The following ATP6V0A4 variants were observed in gnomAD, a reference collection of about 807,000 sequenced individuals.
ATP6V0A4 encodes ATPase H+ transporting V0 subunit a4.
In ATP6V0A4, 86 loss-of-function variants were observed where a neutral mutation model predicts 107.3. The observed-to-expected ratio is 0.80, with a 90% CI of 0.67 to 0.96. ATP6V0A4 has a LOEUF of 0.96. Among genes scored for constraint, ATP6V0A4 ranks in the 40% least tolerant of loss-of-function variants. The probability of loss-of-function intolerance (pLI) is 0.00; values close to 1 mark genes in which losing one functional copy is unlikely to be tolerated. For missense variants in ATP6V0A4, 908 were observed against 1,045.6 expected (o/e 0.87, Z 1.81); for synonymous variants, 353 against 381.4 (o/e 0.93, Z 0.87).
At chr7:138,783,596 C>T (rs2130194151) in intron 2 of ATP6V0A4, among the ~76,000 whole-genome samples, 1 of 151,894 alleles carries the variant, frequency 6.6e-6, no homozygotes, top group African/African-American at 2.4e-5. Flanking sequence ...CAGAGTGGTG[C>T]ACACTTGTAG....
At chr7:138,739,396 T>C (rs1805501708) in intron 15 of ATP6V0A4, 144 bp downstream of exon 15, 1 of 1,014,362 alleles carries the variant, frequency 9.9e-7, no homozygotes, top group African/African-American at 1.6e-5. Flanking sequence ...TGGCTCTATG[T>C]GTCACAAAAA....
chr7:138,739,020 G>T (rs555749841), intron 15 of ATP6V0A4, among the ~76,000 whole-genome samples: 1 of 152,138 alleles, frequency 6.6e-6, no homozygotes, highest in Non-Finnish European at 1.5e-5. Flanking sequence ...AGGAAGTATC[G>T]TTTTGCTTAG....
At chr7:138,740,423 T>A (rs889961195) in intron 14 of ATP6V0A4, among the ~76,000 whole-genome samples, 1 of 150,306 alleles carries the variant, frequency 6.7e-6, no homozygotes, top group Non-Finnish European at 1.5e-5. Flanking sequence ...GGAAGAAATT[T>A]CTTTTTTTTT....
intron 7 of ATP6V0A4, 26 bp from the exon 8 acceptor site, chr7:138,759,904 C>T (rs1806713813): frequency 1.2e-6 from 2 of 1,613,736 alleles, no homozygotes. Context: ...GGAAGACATT[C>T]CTTAAGGCAC....
At chr7:138,718,279 GGTGTGTGTGTGTGTGT>G (rs777538832) in intron 19 of ATP6V0A4, among the ~76,000 whole-genome samples, 1,082 of 12,878 alleles carry the variant, frequency 0.084, 202 homozygotes, top group Non-Finnish European at 0.1. Context: ...AAGGAATGGC[GGTGTGTGTGTGTGTGT>G]GTGTGTGTGT....
intron 2 of ATP6V0A4, among the ~76,000 whole-genome samples, chr7:138,782,927 T>C (rs541605751): frequency 6.6e-6 from 1 of 151,940 alleles, no homozygotes; most frequent in Non-Finnish European, 1.5e-5. Flanking sequence ...ATACAAAAAT[T>C]AGCTGGGCGT....
At chr7:138,725,150 C>T (rs1804643417) in intron 18 of ATP6V0A4, among the ~76,000 whole-genome samples, 1 of 152,236 alleles carries the variant, frequency 6.6e-6, no homozygotes, top group Middle Eastern at 3.4e-3. Flanking sequence ...TGCAGGCCTG[C>T]AGTCCCAGCT....
intron 5 of ATP6V0A4, chr7:138,764,824 A>G (rs1807007295): frequency 6.6e-6 from 1 of 152,560 alleles, no homozygotes. Flanking sequence ...ACAAAGTCTC[A>G]CTCTGTCGCC....
At position 138,784,289 on chromosome 7, in the gene ATP6V0A4, T is replaced by TAC. The variant is rs537165545; in HGVS notation, c.-18+1867_-18+1868dup. ...ATACATATATATATATACATATATA[T>TAC]ACACACACACACACACACATATATA... On this transcript the variant is annotated intron_variant, in intron 2 of 21. Transcript: ENST00000310018. Among the ~76,000 whole-genome samples, 196 of 43,800 alleles carry TAC rather than the reference T, an allele frequency of 4.5e-3. 4 individuals carry two copies. Among genetic ancestry groups the TAC allele is most frequent in the Admixed American group, 0.019 (59 of 3,070 alleles). The allele number at this position is 43,800 out of a possible 152,430, so 28.7% of individuals were successfully genotyped here.
chr7:138,777,230 G>A (rs1367764138), intron 2 of ATP6V0A4, among the ~76,000 whole-genome samples: 1 of 152,180 alleles, frequency 6.6e-6, no homozygotes, highest in Non-Finnish European at 1.5e-5. Context: ...AGTCTGCTGG[G>A]CCAATAAGGA....
At chr7:138,740,819 T>A (rs1194030041) in intron 14 of ATP6V0A4, among the ~76,000 whole-genome samples, 1 of 151,482 alleles carries the variant, frequency 6.6e-6, no homozygotes. Context: ...ACTGCATCTG[T>A]GGAAGGGCCC....
intron 1 of ATP6V0A4, among the ~76,000 whole-genome samples, chr7:138,789,373 G>A (rs1261172714): frequency 1.3e-5 from 2 of 151,678 alleles, no homozygotes; most frequent in South Asian, 2.1e-4. Flanking sequence ...TCACCCTCCC[G>A]AGTAGCTGGG....
intron 5 of ATP6V0A4, among the ~76,000 whole-genome samples, chr7:138,766,203 A>T (rs73166966): frequency 0.32 from 28,289 of 88,056 alleles, 3,066 homozygotes; most frequent in East Asian, 0.52. Context: ...TGTTATTATT[A>T]TTTTTTTTTT....
In ATP6V0A4 at chr7:138,732,960, C is replaced by T. The variant is rs760974203; in HGVS notation, c.1825G>A (p.Ala609Thr). Residue 609 changes from alanine (A) to threonine (T), a missense_variant, in exon 17 of 22, where the codon GCC (alanine) becomes ACC (threonine). Coordinates refer to ENST00000310018, the MANE Select transcript of ATP6V0A4 (RefSeq NM_020632.3). ...ATGAAGTGGATGAGGATGCTGGGGG[C>T]GTGCTGAGATACATGGACGTCAAAG... The part of the protein sequence containing the change: ...CCFDVHVSQH[A>T]PSILIHFINM... The T allele has an allele frequency of 5.6e-6, 9 of 1,613,016 alleles. No homozygotes were observed. The African/African-American group carries it at 6.7e-5, about 12-fold the overall frequency.
At chr7:138,715,182 A>G (rs531520483) in intron 20 of ATP6V0A4, among the ~76,000 whole-genome samples, 1 of 152,180 alleles carries the variant, frequency 6.6e-6, no homozygotes, top group South Asian at 2.1e-4. Flanking sequence ...GAAGACACCA[A>G]ATTTGTGTTG....
chr7:138,768,914 T>C (rs1807226815), intron 4 of ATP6V0A4, 40 bp from the exon 5 acceptor site: 1 of 1,612,090 alleles, frequency 6.2e-7, no homozygotes, highest in African/African-American at 1.3e-5. Context: ...AAGGTGATTG[T>C]GTTTTCTCAT....
intron 15 of ATP6V0A4, among the ~76,000 whole-genome samples, chr7:138,736,602 C>T (rs13227736): frequency 3.3e-5 from 5 of 151,844 alleles, no homozygotes; most frequent in Middle Eastern, 6.9e-3. Flanking sequence ...GACAGAGTCT[C>T]GCTCTGTTGC....
intron 13 of ATP6V0A4, among the ~76,000 whole-genome samples, chr7:138,746,626 C>A (rs1206886777): frequency 6.6e-6 from 1 of 152,096 alleles, no homozygotes; most frequent in Non-Finnish European, 1.5e-5. Context: ...GCCTCAGCCT[C>A]CCGAGTAGCT....
chr7:138,746,649 G>A (rs1025708193), intron 13 of ATP6V0A4, among the ~76,000 whole-genome samples: 13 of 151,980 alleles, frequency 8.6e-5, no homozygotes, highest in African/African-American at 3.1e-4. Context: ...GACTACAGGT[G>A]CCCACCACCA....
Sources: gnomAD v4.1 joint callset for allele counts (sites outside exome capture counted in the v4.1 genomes callset) on GRCh38, gnomAD v4.1.1 for gene constraint, MANE v1.5 for transcripts, NCBI Gene and HGNC (gene_info 2026-07-23, HGNC 2026-07-21) for gene names.